Variants in ALOX15 observed in about 807,000 individuals in gnomAD.
The protein encoded by ALOX15 is polyunsaturated fatty acid lipoxygenase ALOX15.
Under a neutral mutation model 71.7 loss-of-function variants are expected in ALOX15, and 68 were observed. The observed-to-expected ratio is 0.95, with a 90% CI of 0.78 to 1.16. The LOEUF (loss-of-function observed/expected upper bound fraction) is 1.16. ALOX15 is among the 50% of genes most tolerant of loss of function. The pLI, the probability that ALOX15 is intolerant of heterozygous loss-of-function variation, is 0.00. For missense variants in ALOX15, 798 were observed against 818.8 expected, an observed-to-expected ratio of 0.97 and a Z score of 0.31; for synonymous variants, 346 against 333.3, an observed-to-expected ratio of 1.04 and a Z score of -0.42.
Position 4,633,333 on chromosome 17 carries a change from G to A in ALOX15, c.1249-18C>T. The A allele has an allele frequency of 6.2e-7, 1 of 1,611,684 alleles. No homozygotes were observed. The highest frequency in any genetic ancestry group is 8.5e-7 in the Non-Finnish European group (1 of 1,178,040). Reference sequence around the variant, plus strand: ...CTCATTATCTGAGAAGTGAGGGTGAGCAGGGTCAGGCGAATCGACCTGCCC... The same window carrying A: ...CTCATTATCTGAGAAGTGAGGGTGAACAGGGTCAGGCGAATCGACCTGCCC... On this transcript the variant is annotated intron_variant, in intron 9 of 13. Coordinates refer to ENST00000293761, the MANE Select transcript of ALOX15 (RefSeq NM_001140.5).
At position 4,638,650 on chromosome 17, in the gene ALOX15, C is replaced by T; in HGVS notation, c.577G>A (p.Val193Ile). Residue 193 changes from valine to isoleucine, a missense_variant, in exon 5 of 14, where the codon GTT becomes ATT. Val to Ile is a conservative substitution (Grantham distance 29, BLOSUM62 3). Coordinates refer to ENST00000293761, the MANE Select transcript of ALOX15 (RefSeq NM_001140.5). Reference protein sequence around the residue: ...ADLAIKDSLNVLTCWKDLDDF... With the variant: ...ADLAIKDSLNILTCWKDLDDF... ...TCTAGATCCTTCCAGCAAGTCAGAA[C>T]ATTTAGAGAGTCTTTGATAGCGAGG... The T allele has an allele frequency of 6.2e-7, 1 of 1,614,186 alleles. No homozygotes were observed. The highest frequency in any genetic ancestry group is 8.5e-7 in the Non-Finnish European group (1 of 1,180,038).
chr17:4,638,927 G>T lies in ALOX15; in HGVS notation c.465C>A (p.Ala155=). 6.2e-7 allele frequency: 1 copy of T among 1,614,204 alleles called. No homozygotes were observed. The highest frequency in any genetic ancestry group is 8.5e-7 in the Non-Finnish European group (1 of 1,180,034). ...CATCCACAGGGAGGTCATATAGTTT[G>T]GCCCCAGCCATATTCAGAATTAACC... ...KDGLILNMAG[A]KLYDLPVDER... The change falls in exon 4 of 14, where the codon GCC becomes GCA. Residue 155 remains alanine, a synonymous_variant. Transcript: ENST00000293761.
chr17:4,636,030 C>T (rs546349718), intron 7 of ALOX15, 62 bp from the exon 8 acceptor site: 226 of 1,543,812 alleles, frequency 1.5e-4, no homozygotes, highest in Non-Finnish European at 1.9e-4. Context: ...CGATTCCCGC[C>T]CCCCTTGCAT....
At chr17:4,638,999 T>C (rs766060719) in intron 3 of ALOX15, 27 bp from the exon 4 acceptor site, 12 of 1,614,072 alleles carry the variant, frequency 7.4e-6, no homozygotes, top group Non-Finnish European at 6.8e-6. Flanking sequence ...AAATCAAGTA[T>C]GGGTGCTGGA....
Position 4,635,798 on chromosome 17 carries a change from G to A in ALOX15, c.1122C>T (p.Ala374=). Residue 374 remains alanine (A), a synonymous_variant, in exon 8 of 14, where the codon GCC becomes GCT. Transcript: ENST00000293761. The part of the protein sequence containing the change: ...GHLMAEVIVV[A]TMRCLPSIHP... ...GTATCGACGGCAGGCACCTCATGGTGGCCACAACAATGACCTCAGCCATCA... is the reference window on the plus strand; with the variant it reads ...GTATCGACGGCAGGCACCTCATGGTAGCCACAACAATGACCTCAGCCATCA... The A allele has an allele frequency of 6.2e-7, 1 of 1,614,222 alleles. No homozygotes were observed. Among genetic ancestry groups the A allele is most frequent in the Non-Finnish European group, 8.5e-7 (1 of 1,180,038 alleles).
intron 1 of ALOX15, among the ~76,000 whole-genome samples, chr17:4,640,849 C>T (rs1195538158): frequency 4.7e-5 from 7 of 149,764 alleles, no homozygotes; most frequent in Non-Finnish European, 8.9e-5. Context: ...CGGGTGACAC[C>T]GGGGGAGGCA....
chr17:4,638,445 T>C (rs1911190229), intron 5 of ALOX15, 68 bp from the exon 6 acceptor site: 4 of 700,370 alleles, frequency 5.7e-6, no homozygotes, highest in Middle Eastern at 4.0e-4. Flanking sequence ...CCACCAACCA[T>C]GCCTCCTTGA....
chr17:4,637,249 G>GTGTGC lies in ALOX15; in HGVS notation c.812_816dup (p.Leu273AlafsTer30). On this transcript the variant is annotated frameshift_variant, in exon 7 of 14. Coordinates refer to ENST00000293761, the MANE Select transcript of ALOX15 (RefSeq NM_001140.5). LOFTEE classifies it high-confidence loss of function. ...AGCAGGGAGAAGTCAGCTTCGAACA[G>GTGTGC]TGTGCCTCCCTGGGTGGGGGAAGAG... The GTGTGC allele has an allele frequency of 6.2e-7, 1 of 1,611,886 alleles. No homozygotes were observed. The highest frequency in any genetic ancestry group is 8.5e-7 in the Non-Finnish European group (1 of 1,178,498).
intron 12 of ALOX15, 53 bp downstream of exon 12, chr17:4,632,128 C>CA (rs1207124070): frequency 9.0e-5 from 145 of 1,613,054 alleles, no homozygotes; most frequent in Non-Finnish European, 1.2e-4. Flanking sequence ...TGCACACAGA[C>CA]CCCTCCCTCA....
In ALOX15 at chr17:4,633,402, C is replaced by T; in HGVS notation, c.1248+12G>A. Reference sequence around the variant, plus strand: ...AAAGACAGACCCAGAATCTCCCTTTCTCTTCCCATACCTGGTCGAAAATTC... The same window carrying T: ...AAAGACAGACCCAGAATCTCCCTTTTTCTTCCCATACCTGGTCGAAAATTC... On this transcript the variant is annotated intron_variant, in intron 9 of 13. Transcript: ENST00000293761. 1 of 1,613,700 alleles carries T rather than the reference C, an allele frequency of 6.2e-7. No individual in the cohort carries two copies. The highest frequency in any genetic ancestry group is 1.1e-5 in the South Asian group (1 of 91,062).
intron 1 of ALOX15, 146 bp downstream of exon 1, chr17:4,641,371 G>A (rs1911322268): frequency 1.7e-6 from 2 of 1,172,930 alleles, no homozygotes; most frequent in Non-Finnish European, 2.3e-6. Context: ...CCCCACCCCC[G>A]TGGCCTCCGC....
At position 4,631,888 on chromosome 17, in the gene ALOX15, C is replaced by G. The variant is rs1910911834; in HGVS notation, c.1809+1G>C. 6.2e-7 allele frequency: 1 copy of G among 1,610,690 alleles called. No individual in the cohort carries two copies. The highest frequency in any genetic ancestry group is 8.5e-7 in the Non-Finnish European group (1 of 1,178,118). On this transcript the variant is annotated splice_donor_variant, in intron 13 of 13. Coordinates refer to ENST00000293761, the MANE Select transcript of ALOX15 (RefSeq NM_001140.5). LOFTEE classifies it high-confidence loss of function. ...TAGGGCCCTGGGCACTCAGCTCTCA[C>G]CATAACGGGCTGGCGTCTGCCCAGC...
chr17:4,636,975 G>A, intron 7 of ALOX15, 140 bp downstream of exon 7: 3 of 1,044,950 alleles, frequency 2.9e-6, no homozygotes, highest in East Asian at 2.4e-5. Flanking sequence ...TTCGAATAGA[G>A]ACTTGGCGCA....
In ALOX15 at chr17:4,633,479, A is replaced by G. The variant is rs763038338; in HGVS notation, c.1183T>C (p.Tyr395His). The change falls in exon 9 of 14, where the codon TAC becomes CAC. Residue 395 changes from tyrosine (Y) to histidine (H), a missense_variant. Tyr to His is a moderately conservative substitution (Grantham distance 83, BLOSUM62 2). Around this residue, in one of 3 missense-constraint regions of ALOX15, gnomAD observed 490 missense variants for 509.4 expected, o/e 0.96. Coordinates refer to ENST00000293761, the MANE Select transcript of ALOX15 (RefSeq NM_001140.5). ...IFKLIIPHLR[Y>H]TLEINVRART... ...GCCCGGACGTTAATTTCCAGGGTGT[A>G]TCGCAGGTGGGGAATTATAAGCTAG... 2 of 1,614,052 alleles carry G rather than the reference A, an allele frequency of 1.2e-6. No homozygotes were observed. The highest frequency in any genetic ancestry group is 4.5e-5 in the East Asian group (2 of 44,892).
chr17:4,638,857 C>T lies in ALOX15; in HGVS notation c.535G>A (p.Ala179Thr). 6.2e-7 allele frequency: 1 copy of T among 1,614,212 alleles called. No homozygotes were observed. The highest frequency in any genetic ancestry group is 8.5e-7 in the Non-Finnish European group (1 of 1,180,038). ...GCCTCCCCTTGCTCTCACCCCTTGG[C>T]CAGCGAAACCTCAAAGTCAACTCTC... ...DKRVDFEVSL[A>T]KGLADLAIKD... The change falls in exon 4 of 14, where the codon GCC (alanine) becomes ACC (threonine). Residue 179 changes from alanine (A) to threonine (T), a missense_variant. This residue lies in a region of ALOX15 where 300 missense variants were observed against 283.1 expected (regional missense o/e 1.06). Transcript: ENST00000293761.
rs1910939548 is a variant in ALOX15 at position 4,632,310 on chromosome 17, G to A, written c.1541-29C>T. Reference sequence around the variant, plus strand: ...CAAGGGGTGAAGAGAGTTAGAAGCTGCGAAGGCAGGAGTAGGGCAGCGCTC... The same window carrying A: ...CAAGGGGTGAAGAGAGTTAGAAGCTACGAAGGCAGGAGTAGGGCAGCGCTC... On this transcript the variant is annotated intron_variant, in intron 11 of 13. Coordinates refer to ENST00000293761, the MANE Select transcript of ALOX15 (RefSeq NM_001140.5). 3.8e-6 allele frequency: 6 copies of A among 1,589,756 alleles called. No individual in the cohort carries two copies. In the African/African-American group the frequency reaches 4.0e-5, roughly 11 times the overall value.
intron 1 of ALOX15, among the ~76,000 whole-genome samples, chr17:4,640,178 G>T (rs1437067119): frequency 1.5e-5 from 2 of 130,824 alleles, no homozygotes; most frequent in Non-Finnish European, 3.2e-5. Flanking sequence ...GCCCAGGTGT[G>T]GGGGGTCAGC....
At chr17:4,637,647 C>G (rs1195190334) in intron 6 of ALOX15, among the ~76,000 whole-genome samples, 2 of 152,300 alleles carry the variant, frequency 1.3e-5, no homozygotes, top group South Asian at 2.1e-4. Flanking sequence ...CTCCTGGGCT[C>G]AGGTGATCCT....
At chr17:4,636,450 G>A (rs1390700811) in intron 7 of ALOX15, among the ~76,000 whole-genome samples, 1 of 152,112 alleles carries the variant, frequency 6.6e-6, no homozygotes, top group Non-Finnish European at 1.5e-5. Flanking sequence ...ATTTCTGCAG[G>A]CAACTGGCCT....
Sources: gnomAD v4.1 joint callset for allele counts (sites outside exome capture counted in the v4.1 genomes callset) on GRCh38, gnomAD v4.1.1 for gene constraint, gnomAD v4.1.1 regional missense constraint, MANE v1.5 for transcripts, NCBI Gene and HGNC (gene_info 2026-07-23, HGNC 2026-07-21) for gene names.